TTN: variants seen among roughly 807,000 people sequenced by gnomAD.
TTN encodes the protein connectin.
TTN carries 1,525 observed loss-of-function variants against 3,223.0 expected under a neutral mutation model. That is an observed-to-expected ratio of 0.47 (90% CI 0.45 to 0.49). TTN has a LOEUF of 0.49. Among genes scored for constraint, TTN ranks in the 20% least tolerant of loss-of-function variants. The pLI is 0.00. For synonymous variants in TTN, 14,094 were observed against 15,161.0 expected (o/e 0.93, Z 5.17); for missense variants, 40,786 against 43,424.0 (o/e 0.94, Z 5.40).
Position 178,533,162 on chromosome 2 carries a change from C to A in TTN, c.103453G>T (p.Glu34485Ter), listed in dbSNP as rs1575259969. 6.2e-7 allele frequency: 1 copy of A among 1,613,974 alleles called. No individual in the cohort carries two copies. Among genetic ancestry groups the A allele is most frequent in the Non-Finnish European group, 8.5e-7 (1 of 1,179,864 alleles). The change falls in exon 358 of 363, where the codon GAA (glutamate) becomes TAA (stop). Residue 34485 changes from glutamate (E) to a stop codon, truncating the protein, a stop_gained. Transcript: ENST00000589042. LOFTEE classifies it high-confidence loss of function. The part of the protein sequence containing the change: ...KQIDKTLRMA[E>*]ILSGTESVPL... ...ACACTTTCAGTTCCAGAAAGAATTT[C>A]AGCCATTCTGAGGGTTTTGTCAATT...
Position 178,579,083 on chromosome 2 carries a change from T to A in TTN, c.67947A>T (p.Gly22649=). 6.2e-7 allele frequency: 1 copy of A among 1,613,372 alleles called. No homozygotes were observed. The highest frequency in any genetic ancestry group is 8.5e-7 in the Non-Finnish European group (1 of 1,179,534). The stretch of plus-strand genomic sequence containing the variant: ...CTGTGACTTCATCAAATTTGATTGG[T>A]CCAGTGGGGATGCCAGGCTTGCCAA... ...KVVGKPGIPT[G]PIKFDEVTAE... is the part of the protein sequence containing the mutation. The change falls in exon 320 of 363, where the codon GGA becomes GGT. Residue 22649 remains glycine (G), a synonymous_variant. Transcript: ENST00000589042.
At chr2:178,667,562 T>A in intron 160 of TTN, 37 bp from the exon 161 acceptor site, 3 of 1,581,828 alleles carry the variant, frequency 1.9e-6, no homozygotes, top group East Asian at 4.5e-5. Flanking sequence ...TTATAAATGG[T>A]GAAGAAAAAT....
Position 178,740,151 on chromosome 2 carries a change from CT to C in TTN, c.13081del (p.Arg4361GlufsTer6). 6.2e-7 allele frequency: 1 copy of C among 1,613,810 alleles called. No homozygotes were observed. Among genetic ancestry groups the C allele is most frequent in the Non-Finnish European group, 8.5e-7 (1 of 1,179,828 alleles). ...CACTTTCTTTATTGCCACGGGCTCT[CT>C]TTTAGACTCAATGATTTGGTCTGGG... ...MPPDQIIESKREPVAIKKVQE... is the reference protein window; with the variant it reads ...MPPDQIIESKXEPVAIKKVQE... On this transcript the variant is annotated frameshift_variant, in exon 48 of 363. Coordinates refer to ENST00000589042, the MANE Select transcript of TTN (RefSeq NM_001267550.2). LOFTEE classifies it high-confidence loss of function.
At chr2:178,680,395 T>G (rs745599430) in intron 138 of TTN, 64 bp from the exon 139 acceptor site, 304 of 1,340,956 alleles carry the variant, frequency 2.3e-4, no homozygotes, top group Non-Finnish European at 3.1e-4. Context: ...AATGCTTGTT[T>G]TGCTGTACTT....
intron 90 of TTN, among the ~76,000 whole-genome samples, 191 bp downstream of exon 90, chr2:178,714,794 CA>C (rs1560606064): frequency 1.3e-5 from 2 of 151,980 alleles, no homozygotes; most frequent in African/African-American, 4.8e-5. Flanking sequence ...AACCTAATTA[CA>C]ACATTATCTA....
chr2:178,622,176 A>C (rs1254372005), intron 243 of TTN, among the ~76,000 whole-genome samples, 168 bp from the exon 244 acceptor site: 2 of 151,944 alleles, frequency 1.3e-5, no homozygotes, highest in Non-Finnish European at 2.9e-5. Flanking sequence ...AAAAGCAAGA[A>C]CAATCTTACC....
In TTN at chr2:178,748,105, A is replaced by C. The variant is rs140366460; in HGVS notation, c.11311+5019T>G. The C allele has an allele frequency of 7.2e-5, 116 of 1,613,020 alleles. No individual in the cohort carries two copies. The highest frequency in any genetic ancestry group is 9.4e-5 in the Non-Finnish European group (111 of 1,179,564). ...TTTCCTCACTTGCTGCTTTTTTCAA[A>C]TGTGAGATGGAACTTCTGCCTCCAT... On this transcript the variant is annotated intron_variant, in intron 47 of 362. Coordinates refer to ENST00000589042, the MANE Select transcript of TTN (RefSeq NM_001267550.2).
In TTN at chr2:178,681,180, A is replaced by G; in HGVS notation, c.33248-9T>C. On this transcript the variant is annotated splice_polypyrimidine_tract_variant and intron_variant, in intron 137 of 362. Coordinates refer to ENST00000589042, the MANE Select transcript of TTN (RefSeq NM_001267550.2). ...CTTTGGTTCTTCAGGCACTTTAAAG[A>G]TATTAATTATTAAAGAGCATTAAAA... 1.3e-6 allele frequency: 2 copies of G among 1,591,102 alleles called. No individual in the cohort carries two copies. Among genetic ancestry groups the G allele is most frequent in the Non-Finnish European group, 1.7e-6 (2 of 1,170,840 alleles).
rs780903648 is a variant in TTN, at chr2:178,618,351, T to A, written c.47107A>T (p.Thr15703Ser). The A allele has an allele frequency of 2.5e-6, 4 of 1,612,572 alleles. No homozygotes were observed. The highest frequency in any genetic ancestry group is 3.4e-6 in the Non-Finnish European group (4 of 1,179,104). Reference sequence around the variant, plus strand: ...GCACGGTCTGTGGCCAGAACCCAGGTCTTTCTCTTAATGTCACGTCTTTCA... The same window carrying A: ...GCACGGTCTGTGGCCAGAACCCAGGACTTTCTCTTAATGTCACGTCTTTCA... ...VVERRDIKRKTWVLATDRAES... is the reference protein window; with the variant it reads ...VVERRDIKRKSWVLATDRAES... The change falls in exon 252 of 363, where the codon ACC (threonine) becomes TCC (serine). Residue 15703 changes from threonine to serine, a missense_variant. Coordinates refer to ENST00000589042, the MANE Select transcript of TTN (RefSeq NM_001267550.2).
chr2:178,560,771 G>T lies in TTN; in HGVS notation c.85361C>A (p.Pro28454Gln), dbSNP rs747983822. ...NCKVLDKPGP[P>Q]AGPLEINGLT... ...GCCATTTATTTCAAGTGGTCCTGCT[G>T]GTGGACCAGGCTTATCAAGTACTTT... Residue 28454 changes from proline (P) to glutamine (Q), a missense_variant, in exon 326 of 363, where the codon CCA becomes CAA. By Grantham distance (76) the Pro-to-Gln change is moderately conservative (BLOSUM62 -1). Coordinates refer to ENST00000589042, the MANE Select transcript of TTN (RefSeq NM_001267550.2). 1 of 1,613,632 alleles carries T rather than the reference G, an allele frequency of 6.2e-7. No homozygotes were observed. The highest frequency in any genetic ancestry group is 8.5e-7 in the Non-Finnish European group (1 of 1,179,808).
chr2:178,757,438 T>C (rs2087630484), intron 45 of TTN, 104 bp downstream of exon 45: 11 of 1,391,604 alleles, frequency 7.9e-6, no homozygotes, highest in Non-Finnish European at 1.0e-5. Context: ...AGTTATGGAC[T>C]GACCACAGTA....
chr2:178,641,931 T>C (rs2061290298), intron 219 of TTN, among the ~76,000 whole-genome samples: 1 of 151,920 alleles, frequency 6.6e-6, no homozygotes, highest in African/African-American at 2.4e-5. Flanking sequence ...TGTACTTTAC[T>C]ACATAATTTG....
chr2:178,538,888 T>C (rs1693002538), intron 353 of TTN, 49 bp from the exon 354 acceptor site: 1 of 1,578,404 alleles, frequency 6.3e-7, no homozygotes, highest in East Asian at 2.2e-5. Flanking sequence ...ACTGGTGAAA[T>C]AAAAGGACCA....
Position 178,601,884 on chromosome 2 carries a change from G to C in TTN, c.55300C>G (p.Gln18434Glu). The C allele has an allele frequency of 6.2e-7, 1 of 1,610,654 alleles. No individual in the cohort carries two copies. Among genetic ancestry groups the C allele is most frequent in the Non-Finnish European group, 8.5e-7 (1 of 1,178,680 alleles). ...DGVHDIPEDA[Q>E]LETAENSSVI... ...TATTTTAATTATTATTTTTTTACCT[G>C]TGCATCTTCGGGTATGTCATGAACT... is the stretch of plus-strand genomic sequence containing the variant. The change falls in exon 285 of 363, where the codon CAG becomes GAG. Residue 18434 changes from glutamine to glutamate, a missense_variant and splice_region_variant. Coordinates refer to ENST00000589042, the MANE Select transcript of TTN (RefSeq NM_001267550.2).
intron 20 of TTN, 88 bp from the exon 21 acceptor site, chr2:178,781,351 TG>T (rs2092743566): frequency 6.8e-7 from 1 of 1,463,232 alleles, no homozygotes; most frequent in Non-Finnish European, 9.4e-7. Flanking sequence ...AGTGGATCTG[TG>T]GTATAAAATT....
intron 6 of TTN, among the ~76,000 whole-genome samples, chr2:178,795,883 T>C (rs1251975504): frequency 6.6e-6 from 1 of 152,192 alleles, no homozygotes; most frequent in Admixed American, 6.5e-5. Context: ...TTAGCCGAAG[T>C]GTTTGTGGAC....
At chr2:178,675,802 A>G in intron 148 of TTN, 48 bp from the exon 149 acceptor site, 1 of 1,519,824 alleles carries the variant, frequency 6.6e-7, no homozygotes, top group Non-Finnish European at 8.9e-7. Flanking sequence ...ACACACACAA[A>G]GACAAGTAGA....
At position 178,698,879 on chromosome 2, in the gene TTN, C is replaced by T. The variant is rs111671438; in HGVS notation, c.30718G>A (p.Val10240Ile). Residue 10240 changes from valine to isoleucine, a missense_variant, in exon 112 of 363, where the codon GTT becomes ATT. Physicochemically the swap from Val to Ile is conservative, Grantham distance 29. Transcript: ENST00000589042. ...KKAVKKDAKKVVAKPKEMTPR... is the reference protein window; with the variant it reads ...KKAVKKDAKKIVAKPKEMTPR... ...GTCATCTCTTTGGGCTTTGCAACAA[C>T]TTTTTTGGCATCTTTCTTCACAGCC... The T allele has an allele frequency of 6.5e-7, 1 of 1,526,774 alleles. No individual in the cohort carries two copies. Among genetic ancestry groups the T allele is most frequent in the East Asian group, 2.5e-5 (1 of 40,650 alleles). 94.6% of individuals were successfully genotyped at this position (1,526,774 alleles called of 1,614,324 possible).
Position 178,581,889 on chromosome 2 carries a change from C to T in TTN, c.66463+17G>A, listed in dbSNP as rs202244470. On this transcript the variant is annotated intron_variant, in intron 315 of 362. Coordinates refer to ENST00000589042, the MANE Select transcript of TTN (RefSeq NM_001267550.2). ...TGCTTTTAACACAGGATATGGAACTCGTTCATGAACACTTACACTGAGGGT... is the reference window on the plus strand; with the variant it reads ...TGCTTTTAACACAGGATATGGAACTTGTTCATGAACACTTACACTGAGGGT... The T allele has an allele frequency of 3.6e-5, 58 of 1,611,290 alleles. No homozygotes were observed. Among genetic ancestry groups the T allele is most frequent in the Middle Eastern group, 1.7e-4 (1 of 6,058 alleles).
Sources: gnomAD v4.1 joint callset for allele counts (sites outside exome capture counted in the v4.1 genomes callset) on GRCh38, gnomAD v4.1.1 for gene constraint, MANE v1.5 for transcripts, NCBI Gene and HGNC (gene_info 2026-07-23, HGNC 2026-07-21) for gene names.